The following CTNNA3 variants were observed in gnomAD, a reference collection of about 807,000 sequenced individuals.
CTNNA3 encodes the protein catenin alpha-3.
A neutral mutation model predicts 95.7 loss-of-function variants in CTNNA3; 76 were observed. That is an observed-to-expected ratio of 0.79 (90% confidence interval 0.66 to 0.96). The LOEUF (loss-of-function observed/expected upper bound fraction) is 0.96. CTNNA3 is among the 40% of genes least tolerant of loss of function. CTNNA3 has a pLI of 0.00. For missense variants in CTNNA3, 1,191 were observed against 1,089.8 expected (o/e 1.09, Z -1.31); for synonymous variants, 431 against 374.4 (o/e 1.15, Z -1.74).
intron 5 of CTNNA3, among the ~76,000 whole-genome samples, chr10:67,249,425 C>T (rs75978288): frequency 0.035 from 5,326 of 152,164 alleles, 207 homozygotes; most frequent in South Asian, 0.18. Flanking sequence ...TCCTATCATA[C>T]GCTTTAAATC....
chr10:65,949,510 G>A (rs2077575701), intron 17 of CTNNA3, among the ~76,000 whole-genome samples: 2 of 152,172 alleles, frequency 1.3e-5, no homozygotes, highest in South Asian at 4.1e-4. Flanking sequence ...TACCCACAAA[G>A]AGAGCCTGAG....
chr10:66,191,284 A>G (rs1485305484), intron 13 of CTNNA3, among the ~76,000 whole-genome samples: 1 of 152,144 alleles, frequency 6.6e-6, no homozygotes, highest in East Asian at 1.9e-4. Flanking sequence ...CCAGGAATAA[A>G]ATAAGACAAT....
chr10:66,074,390 T>C (rs1375153482), intron 14 of CTNNA3, among the ~76,000 whole-genome samples: 1 of 151,944 alleles, frequency 6.6e-6, no homozygotes, highest in East Asian at 1.9e-4. Flanking sequence ...ATGGAATTAG[T>C]ACATCACAGG....
chr10:67,437,815 T>G (rs188733999), intron 5 of CTNNA3, among the ~76,000 whole-genome samples: 5 of 152,006 alleles, frequency 3.3e-5, no homozygotes, highest in African/African-American at 1.2e-4. Context: ...AATGGTAAAA[T>G]AAGCCTATAA....
upstream of CTNNA3, among the ~76,000 whole-genome samples, chr10:67,698,003 C>G (rs1392292620): frequency 6.6e-6 from 1 of 152,188 alleles, no homozygotes; most frequent in South Asian, 2.1e-4. Context: ...TCTGTGTGAT[C>G]GCTGAGGCAT....
chr10:67,551,164 G>A (rs989940226), intron 3 of CTNNA3, among the ~76,000 whole-genome samples: 2 of 152,104 alleles, frequency 1.3e-5, no homozygotes, highest in Non-Finnish European at 2.9e-5. Context: ...AGACACACAA[G>A]CGGCTGCACG....
At chr10:66,733,591 G>C (rs1436677641) in intron 9 of CTNNA3, among the ~76,000 whole-genome samples, 4 of 151,532 alleles carry the variant, frequency 2.6e-5, no homozygotes, top group Non-Finnish European at 5.9e-5. Flanking sequence ...TTTTCCAAAA[G>C]ATTGAAACAA....
chr10:66,509,230 T>A (rs1406023184), intron 11 of CTNNA3, among the ~76,000 whole-genome samples: 1 of 152,066 alleles, frequency 6.6e-6, no homozygotes, highest in Non-Finnish European at 1.5e-5. Flanking sequence ...ATTTTTAAAT[T>A]AGATTATTGT....
intron 9 of CTNNA3, among the ~76,000 whole-genome samples, chr10:66,756,723 G>C (rs1472300863): frequency 6.6e-6 from 1 of 152,006 alleles, no homozygotes; most frequent in Admixed American, 6.6e-5. Flanking sequence ...AATCACTACA[G>C]GAAAGAAAGC....
Position 67,459,201 on chromosome 10 carries a change from C to T in CTNNA3, c.579+62641G>A, listed in dbSNP as rs145683741. 1.1e-3 allele frequency among the ~76,000 whole-genome samples: 163 copies of T among 152,262 alleles called. 1 individual carries two copies. The highest frequency in any genetic ancestry group is 3.4e-3 in the African/African-American group (142 of 41,552). ...CTCTAATACACTCAATATTTTCACC[C>T]AAATAATAGAATCCTTTCCCCCAAT... is the stretch of plus-strand genomic sequence containing the variant. On this transcript the variant is annotated intron_variant, in intron 5 of 17. Coordinates refer to ENST00000433211, the MANE Select transcript of CTNNA3 (RefSeq NM_013266.4).
At chr10:66,558,074 T>A (rs895395270) in intron 10 of CTNNA3, among the ~76,000 whole-genome samples, 3 of 152,052 alleles carry the variant, frequency 2.0e-5, no homozygotes, top group Non-Finnish European at 2.9e-5. Context: ...GCCAGAGAAC[T>A]GTGAATAGAA....
At chr10:67,489,526 C>A (rs1442262890) in intron 5 of CTNNA3, among the ~76,000 whole-genome samples, 5 of 152,026 alleles carry the variant, frequency 3.3e-5, no homozygotes, top group African/African-American at 1.2e-4. Flanking sequence ...GGAAAGAGAC[C>A]AAGAAAAGCA....
intron 2 of CTNNA3, among the ~76,000 whole-genome samples, chr10:67,622,706 C>T (rs1180344131): frequency 6.6e-6 from 1 of 152,116 alleles, no homozygotes; most frequent in South Asian, 2.1e-4. Context: ...TCCTTTTTCT[C>T]CACTATTTGT....
chr10:67,576,416 A>G (rs142041161), intron 3 of CTNNA3, among the ~76,000 whole-genome samples: 1 of 152,100 alleles, frequency 6.6e-6, no homozygotes, highest in African/African-American at 2.4e-5. Flanking sequence ...AGTTGTTAAT[A>G]GTTTTCCTTA....
rs140926980 is a variant in CTNNA3, at chr10:67,111,235, A to C, written c.1047+69082T>G. On this transcript the variant is annotated intron_variant, in intron 7 of 17. Transcript: ENST00000433211. ...GAAAAGCTTACATTAATTTATCTTG[A>C]AAAATGAAATGTCCAATTATACAAC... Among the ~76,000 whole-genome samples the C allele has an allele frequency of 3.1e-3, 476 of 152,292 alleles. 2 individuals carry two copies. The highest frequency in any genetic ancestry group is 0.011 in the African/African-American group (449 of 41,578).
chr10:66,937,038 G>T (rs1046917987), intron 7 of CTNNA3, among the ~76,000 whole-genome samples: 3 of 152,112 alleles, frequency 2.0e-5, no homozygotes, highest in Non-Finnish European at 4.4e-5. Flanking sequence ...TTCCAAAGGA[G>T]CCAAGGCAGG....
chr10:66,542,879 A>C (rs886238891), intron 10 of CTNNA3, among the ~76,000 whole-genome samples: 3 of 152,110 alleles, frequency 2.0e-5, no homozygotes, highest in Admixed American at 2.0e-4. Context: ...CTAGAACTTA[A>C]AGTATAATAA....
chr10:67,583,747 T>C (rs1842508362), intron 3 of CTNNA3, among the ~76,000 whole-genome samples: 1 of 152,240 alleles, frequency 6.6e-6, no homozygotes, highest in Non-Finnish European at 1.5e-5. Context: ...TCTTGGAGGC[T>C]TTGTTCATTT....
chr10:66,507,651 CA>C (rs1840497802), intron 11 of CTNNA3, among the ~76,000 whole-genome samples: 1 of 152,090 alleles, frequency 6.6e-6, no homozygotes, highest in Admixed American at 6.6e-5. Context: ...CCTCCAGGCT[CA>C]TCCATGTTAC....
Sources: gnomAD v4.1 joint callset for allele counts (sites outside exome capture counted in the v4.1 genomes callset) on GRCh38, gnomAD v4.1.1 for gene constraint, MANE v1.5 for transcripts, NCBI Gene and HGNC (gene_info 2026-07-23, HGNC 2026-07-21) for gene names.